The following MED15 variants were observed in gnomAD, a reference collection of about 807,000 sequenced individuals.
MED15 encodes the protein mediator complex subunit 15.
In MED15, 41 loss-of-function variants were observed where a neutral mutation model predicts 118.7. The observed-to-expected ratio is 0.35, with a 90% CI of 0.27 to 0.45. MED15 has a LOEUF of 0.45. MED15 is among the 20% of genes least tolerant of loss of function. The probability of loss-of-function intolerance (pLI) is 1.00; values close to 1 mark genes in which losing one functional copy is unlikely to be tolerated. For missense variants in MED15, 740 were observed against 1,025.5 expected (o/e 0.72, Z 3.80); for synonymous variants, 436 against 413.9 (o/e 1.05, Z -0.65).
chr22:20,553,954 G>A (rs546367166), intron 4 of MED15, among the ~76,000 whole-genome samples: 26 of 152,342 alleles, frequency 1.7e-4, no homozygotes, highest in African/African-American at 6.3e-4. Flanking sequence ...CTTGGTCTCT[G>A]CTGACTAAGC....
chr22:20,540,856 G>T (rs1177769167), intron 2 of MED15, among the ~76,000 whole-genome samples: 1 of 151,848 alleles, frequency 6.6e-6, no homozygotes, highest in Non-Finnish European at 1.5e-5. Flanking sequence ...TCAGGTAAGG[G>T]TTTAATATCC....
intron 1 of MED15, among the ~76,000 whole-genome samples, chr22:20,535,959 C>G (rs1601510982): frequency 6.7e-6 from 1 of 149,568 alleles, no homozygotes; most frequent in African/African-American, 2.5e-5. Context: ...CTCACTGCAA[C>G]CTCCACCTCC....
intron 2 of MED15, among the ~76,000 whole-genome samples, chr22:20,548,895 C>G (rs1856698690): frequency 6.6e-6 from 1 of 152,178 alleles, no homozygotes; most frequent in Admixed American, 6.5e-5. Flanking sequence ...CAGCATTGAT[C>G]TCCCAGGCTC....
At position 20,585,147 on chromosome 22, in the gene MED15, C is replaced by T. The variant is rs769109534; in HGVS notation, c.2011C>T (p.Arg671Trp). 21 of 1,613,558 alleles carry T rather than the reference C, an allele frequency of 1.3e-5. No homozygotes were observed. The highest frequency in any genetic ancestry group is 3.3e-5 in the South Asian group (3 of 91,084). Residue 671 changes from arginine (R) to tryptophan (W), a missense_variant, in exon 16 of 18, where the codon CGG becomes TGG. Physicochemically the swap from Arg to Trp is moderately radical, Grantham distance 101. Around this residue, in one of 7 missense-constraint regions of MED15, gnomAD observed 179 missense variants for 259.0 expected, o/e 0.69. Transcript: ENST00000263205. ...TRKRRLEDDE[R>W]QSIPSVLQGE... is the part of the protein sequence containing the mutation. ...GAAGCGCAGGCTTGAGGATGATGAGCGGCAGAGCATCCCCAGTGTGCTCCA... is the reference window on the plus strand; with the variant it reads ...GAAGCGCAGGCTTGAGGATGATGAGTGGCAGAGCATCCCCAGTGTGCTCCA...
In MED15 at chr22:20,525,593, G is replaced by C. The variant is rs1371183628; in HGVS notation, c.69-11524G>C. Among the ~76,000 whole-genome samples the C allele has an allele frequency of 3.5e-5, 5 of 144,364 alleles. No individual in the cohort carries two copies. The East Asian group carries it at 1.0e-3, about 30-fold the overall frequency. The allele number at this position is 144,364 out of a possible 152,430, so 94.7% of individuals were successfully genotyped here. ...CTCTTGTTGCCCAGGCTGGAGTACA[G>C]TGGCACGATCTCAGCTCACTGCAAA... is the stretch of plus-strand genomic sequence containing the variant. On this transcript the variant is annotated intron_variant, in intron 1 of 17. Transcript: ENST00000263205.
At chr22:20,574,924 C>T (rs779401646) in intron 8 of MED15, 189 bp from the exon 9 acceptor site, 19 of 729,594 alleles carry the variant, frequency 2.6e-5, no homozygotes, top group Non-Finnish European at 3.7e-5. Flanking sequence ...TCCCAATGCC[C>T]AGACAGACCT....
In MED15 at chr22:20,564,478, GCAGCAGCAGCAGCAACAGCAGCAGTTC is replaced by G; in HGVS notation, c.495_521del (p.Gln166_Gln174del). ...AGCTGCAGCTCCAGCAGGTGGCGCT[GCAGCAGCAGCAGCAACAGCAGCAGTTC>G]CAGCAGCAGCAGCAGGCGGCGCTAC... On this transcript the variant is annotated inframe_deletion, in exon 6 of 18. Transcript: ENST00000263205. The G allele has an allele frequency of 1.9e-6, 3 of 1,608,156 alleles. No homozygotes were observed. The highest frequency in any genetic ancestry group is 1.7e-6 in the Non-Finnish European group (2 of 1,175,386).
At chr22:20,575,362 C>A in intron 9 of MED15, 130 bp downstream of exon 9, 4 of 1,184,386 alleles carry the variant, frequency 3.4e-6, no homozygotes, top group Non-Finnish European at 4.5e-6. Flanking sequence ...GCCAAACCCA[C>A]AGTCCCTTTT....
chr22:20,557,936 C>G (rs895215574), intron 5 of MED15, among the ~76,000 whole-genome samples: 8 of 152,266 alleles, frequency 5.3e-5, no homozygotes, highest in Admixed American at 2.0e-4. Flanking sequence ...GAGACCCCGT[C>G]TCTACTAAAA....
At position 20,583,127 on chromosome 22, in the gene MED15, GTCAT is replaced by G; in HGVS notation, c.1553_1556del (p.Val518GlyfsTer18). Reference sequence around the variant, plus strand: ...GTGTCCTGCAGTGAACCCCAGCTCTGTCATGAGCCCAGCTGGCTCCAGCCAGGCT... The same window carrying G: ...GTGTCCTGCAGTGAACCCCAGCTCTGGAGCCCAGCTGGCTCCAGCCAGGCT... On this transcript the variant is annotated frameshift_variant, in exon 12 of 18. Transcript: ENST00000263205. LOFTEE classifies it high-confidence loss of function. 6.2e-7 allele frequency: 1 copy of G among 1,600,624 alleles called. No homozygotes were observed. Among genetic ancestry groups the G allele is most frequent in the Non-Finnish European group, 8.5e-7 (1 of 1,173,444 alleles).
intron 16 of MED15, chr22:20,585,514 A>G: frequency 1.4e-6 from 1 of 692,424 alleles, no homozygotes; most frequent in Non-Finnish European, 2.4e-6. Context: ...CCTGGGCCCT[A>G]GGGAGGTGGT....
At chr22:20,518,313 T>G (rs1040570330) in intron 1 of MED15, among the ~76,000 whole-genome samples, 2 of 152,206 alleles carry the variant, frequency 1.3e-5, no homozygotes, top group East Asian at 3.8e-4. Flanking sequence ...ATCCTTTCCA[T>G]CCCTGCAAGG....
chr22:20,550,706 C>T (rs1209599611), intron 2 of MED15, among the ~76,000 whole-genome samples: 1 of 152,270 alleles, frequency 6.6e-6, no homozygotes, highest in Non-Finnish European at 1.5e-5. Context: ...ACCACAAGAC[C>T]AACTCACAGT....
chr22:20,526,088 T>A (rs560052679), intron 1 of MED15, among the ~76,000 whole-genome samples: 67 of 151,936 alleles, frequency 4.4e-4, no homozygotes, highest in African/African-American at 1.5e-3. Flanking sequence ...ACTGGCTAAG[T>A]TTTTGTATTT....
intron 2 of MED15, among the ~76,000 whole-genome samples, chr22:20,542,392 C>T (rs1211337282): frequency 1.3e-5 from 2 of 152,058 alleles, no homozygotes; most frequent in East Asian, 1.9e-4. Context: ...TGTGGCCACA[C>T]GAAGCAATGA....
At chr22:20,537,058 G>T (rs1180948177) in intron 1 of MED15, 59 bp from the exon 2 acceptor site, 12 of 1,517,090 alleles carry the variant, frequency 7.9e-6, no homozygotes, top group Non-Finnish European at 1.1e-5. Context: ...GTTGGCCAGG[G>T]CCCTGCAGCG....
intron 5 of MED15, among the ~76,000 whole-genome samples, chr22:20,558,591 A>G (rs2056108322): frequency 1.3e-5 from 2 of 152,184 alleles, no homozygotes; most frequent in African/African-American, 2.4e-5. Flanking sequence ...TGCTGAGGAC[A>G]TGTTCTCCTC....
chr22:20,523,345 C>G (rs1286515077), intron 1 of MED15, among the ~76,000 whole-genome samples: 1 of 151,746 alleles, frequency 6.6e-6, no homozygotes, highest in Non-Finnish European at 1.5e-5. Flanking sequence ...AAGCATTTGA[C>G]TTCCTTTTTT....
intron 8 of MED15, among the ~76,000 whole-genome samples, chr22:20,572,885 A>C (rs1264940665): frequency 6.6e-6 from 1 of 152,166 alleles, no homozygotes; most frequent in East Asian, 1.9e-4. Flanking sequence ...TGATGACAGC[A>C]TTACACTCTA....
Sources: gnomAD v4.1 joint callset for allele counts (sites outside exome capture counted in the v4.1 genomes callset) on GRCh38, gnomAD v4.1.1 for gene constraint, gnomAD v4.1.1 regional missense constraint, MANE v1.5 for transcripts, NCBI Gene and HGNC (gene_info 2026-07-23, HGNC 2026-07-21) for gene names.